Variants in SLC4A10 observed in about 807,000 individuals in gnomAD.
SLC4A10 encodes the protein solute carrier family 4 member 10, also known as sodium-driven chloride bicarbonate exchanger.
In SLC4A10, 42 loss-of-function variants were observed where a neutral mutation model predicts 137.7. The observed-to-expected ratio is 0.30, with a 90% CI of 0.24 to 0.39. The LOEUF (loss-of-function observed/expected upper bound fraction) is 0.39. Ranked by LOEUF, SLC4A10 falls within the 10% of genes least tolerant of loss-of-function variation. SLC4A10 has a pLI of 1.00. For missense variants in SLC4A10, 925 were observed against 1,355.0 expected, an observed-to-expected ratio of 0.68 and a Z score of 4.98; for synonymous variants, 474 against 464.1, an observed-to-expected ratio of 1.02 and a Z score of -0.27.
intron 11 of SLC4A10, among the ~76,000 whole-genome samples, chr2:161,896,078 A>G (rs540584692): frequency 6.0e-4 from 92 of 152,206 alleles, no homozygotes; most frequent in African/African-American, 2.1e-3. Context: ...TCCATCTTGA[A>G]TTAATTTTTG....
At chr2:161,722,528 G>T (rs894336438) in intron 1 of SLC4A10, among the ~76,000 whole-genome samples, 2 of 152,164 alleles carry the variant, frequency 1.3e-5, no homozygotes, top group African/African-American at 4.8e-5. Flanking sequence ...GTCACCAGTG[G>T]AGGCTGCAGA....
chr2:161,642,489 G>T (rs1387951770), intron 1 of SLC4A10, among the ~76,000 whole-genome samples: 1 of 151,748 alleles, frequency 6.6e-6, no homozygotes, highest in Non-Finnish European at 1.5e-5. Context: ...AAAATAATCT[G>T]CATATTTAGA....
At chr2:161,932,919 T>C (rs1263816788) in intron 15 of SLC4A10, among the ~76,000 whole-genome samples, 9 of 151,874 alleles carry the variant, frequency 5.9e-5, no homozygotes, top group Non-Finnish European at 1.3e-4. Flanking sequence ...TTCTACTTTC[T>C]ATTTCCATGA....
chr2:161,627,621 GT>G (rs2032684855), intron 1 of SLC4A10, among the ~76,000 whole-genome samples: 1 of 152,056 alleles, frequency 6.6e-6, no homozygotes, highest in Admixed American at 6.6e-5. Flanking sequence ...GCCTAGATAT[GT>G]TTCTCTTTTT....
At chr2:161,796,579 T>C (rs2054795468) in intron 2 of SLC4A10, among the ~76,000 whole-genome samples, 1 of 152,154 alleles carries the variant, frequency 6.6e-6, no homozygotes. Flanking sequence ...GATTCAAGGG[T>C]TGGAGGAATA....
chr2:161,833,511 C>G (rs1398939205), intron 3 of SLC4A10, among the ~76,000 whole-genome samples: 2 of 152,086 alleles, frequency 1.3e-5, no homozygotes, highest in Non-Finnish European at 2.9e-5. Flanking sequence ...TTGTGGTCAG[C>G]CTGAAGTTCT....
intron 1 of SLC4A10, among the ~76,000 whole-genome samples, chr2:161,693,952 T>C (rs2042244659): frequency 6.6e-6 from 1 of 151,966 alleles, no homozygotes; most frequent in Non-Finnish European, 1.5e-5. Context: ...GATATCAAAA[T>C]TGTGTTTCTT....
At chr2:161,926,149 G>C (rs982680815) in intron 15 of SLC4A10, among the ~76,000 whole-genome samples, 1 of 151,862 alleles carries the variant, frequency 6.6e-6, no homozygotes, top group African/African-American at 2.4e-5. Flanking sequence ...GTTGACAGTG[G>C]GATGTTAAAG....
chr2:161,795,282 T>C (rs1254980708), intron 2 of SLC4A10, among the ~76,000 whole-genome samples: 1 of 152,190 alleles, frequency 6.6e-6, no homozygotes, highest in Non-Finnish European at 1.5e-5. Flanking sequence ...AAACACTTAC[T>C]GAGCTTTTAA....
intron 1 of SLC4A10, among the ~76,000 whole-genome samples, chr2:161,668,506 T>C (rs1361778767): frequency 6.6e-6 from 1 of 151,740 alleles, no homozygotes; most frequent in Non-Finnish European, 1.5e-5. Context: ...CTAGAAGTAA[T>C]CAACTAGAGA....
intron 8 of SLC4A10, among the ~76,000 whole-genome samples, chr2:161,878,266 T>C (rs951140728): frequency 6.6e-6 from 1 of 152,028 alleles, no homozygotes; most frequent in African/African-American, 2.4e-5. Context: ...AAAAACAGAG[T>C]TTCATAAAAA....
chr2:161,799,608 A>G (rs898817604), intron 2 of SLC4A10, among the ~76,000 whole-genome samples: 6 of 151,986 alleles, frequency 3.9e-5, no homozygotes, highest in African/African-American at 1.2e-4. Context: ...GTGAAGGGAA[A>G]AGGGAACTAA....
intron 3 of SLC4A10, among the ~76,000 whole-genome samples, chr2:161,826,976 G>A (rs1418435756): frequency 3.3e-5 from 5 of 151,900 alleles, no homozygotes; most frequent in South Asian, 2.1e-4. Flanking sequence ...TACTCTCTCC[G>A]TGAGATGTAT....
At chr2:161,631,786 C>A (rs955465201) in intron 1 of SLC4A10, among the ~76,000 whole-genome samples, 1 of 151,654 alleles carries the variant, frequency 6.6e-6, no homozygotes, top group African/African-American at 2.4e-5. Context: ...ATACCAAATT[C>A]ATGTTGAATT....
intron 1 of SLC4A10, among the ~76,000 whole-genome samples, chr2:161,674,393 A>T (rs2040063957): frequency 6.6e-6 from 1 of 152,236 alleles, no homozygotes; most frequent in Non-Finnish European, 1.5e-5. Context: ...GGCACCTAAT[A>T]GGCACTAAAT....
chr2:161,819,346 CTT>C (rs1036900247), intron 3 of SLC4A10, among the ~76,000 whole-genome samples: 1 of 152,074 alleles, frequency 6.6e-6, no homozygotes, highest in African/African-American at 2.4e-5. Flanking sequence ...ATACAAAAAA[CTT>C]TTAATGCCCA....
chr2:161,829,849 C>A (rs971171361), intron 3 of SLC4A10, among the ~76,000 whole-genome samples: 72 of 152,134 alleles, frequency 4.7e-4, no homozygotes, highest in African/African-American at 1.7e-3. Flanking sequence ...TCTTACATGG[C>A]AGCAGACAAG....
intron 2 of SLC4A10, among the ~76,000 whole-genome samples, chr2:161,772,985 G>C (rs1021684056): frequency 6.6e-6 from 1 of 151,846 alleles, no homozygotes; most frequent in Non-Finnish European, 1.5e-5. Flanking sequence ...ATGATTTTAA[G>C]TGGGAGAGCA....
At chr2:161,844,986 A>T (rs927448882) in intron 4 of SLC4A10, among the ~76,000 whole-genome samples, 5 of 152,096 alleles carry the variant, frequency 3.3e-5, no homozygotes, top group African/African-American at 9.7e-5. Context: ...CTCACATCTC[A>T]TTCATGCTTT....
Sources: allele counts gnomAD v4.1 joint callset (sites outside exome capture counted in the v4.1 genomes callset), GRCh38; gene constraint gnomAD v4.1.1; transcripts MANE v1.5; gene names NCBI Gene and HGNC (gene_info 2026-07-23, HGNC 2026-07-21).